The following INPP5A variants were observed in gnomAD, a reference collection of about 807,000 sequenced individuals.
INPP5A encodes 43 kDa inositol polyphosphate 5-phophatase.
A neutral mutation model predicts 65.2 loss-of-function variants in INPP5A; 14 were observed. The ratio of observed to expected loss-of-function variants is 0.21; its 90% confidence interval spans 0.14 to 0.34. The LOEUF is 0.34. Ranked by LOEUF, INPP5A falls within the 10% of genes least tolerant of loss-of-function variation. The pLI, the probability that INPP5A is intolerant of heterozygous loss-of-function variation, is 1.00. For synonymous variants in INPP5A, 207 were observed against 208.3 expected, an observed-to-expected ratio of 0.99 and a Z score of 0.05; for missense variants, 431 against 545.6, an observed-to-expected ratio of 0.79 and a Z score of 2.09.
chr10:132,721,729 T>G (rs553143951), intron 8 of INPP5A, among the ~76,000 whole-genome samples: 230 of 102,558 alleles, frequency 2.2e-3, no homozygotes, highest in African/African-American at 4.6e-3. Flanking sequence ...CGCCTTAGAC[T>G]GCTGTCTTCA....
At chr10:132,607,128 C>G (rs2071867637) in intron 1 of INPP5A, among the ~76,000 whole-genome samples, 1 of 152,172 alleles carries the variant, frequency 6.6e-6, no homozygotes, top group Non-Finnish European at 1.5e-5. Flanking sequence ...CCGGAGCTGG[C>G]ACAGAGCCCA....
intron 1 of INPP5A, among the ~76,000 whole-genome samples, chr10:132,568,459 C>T (rs1200736230): frequency 6.6e-6 from 1 of 152,098 alleles, no homozygotes; most frequent in Admixed American, 6.6e-5. Flanking sequence ...GGCACAGTGG[C>T]TCACGCCTGT....
intron 4 of INPP5A, among the ~76,000 whole-genome samples, chr10:132,684,566 C>A (rs987630798): frequency 6.6e-6 from 1 of 152,182 alleles, no homozygotes; most frequent in Non-Finnish European, 1.5e-5. Flanking sequence ...TGTGGTGTGT[C>A]CCTGTGGCTC....
rs979255399 is a variant in INPP5A at position 132,753,590 on chromosome 10, T to G, written c.903+3745T>G. Among the ~76,000 whole-genome samples, 8 of 152,214 alleles carry G rather than the reference T, an allele frequency of 5.3e-5. No homozygotes were observed. ...GTATAATTAATTATAAGTGTAGCTG[T>G]CAGGGCTGCAGGATGGAGTGCCCTG... On this transcript the variant is annotated intron_variant, in intron 11 of 15. Coordinates refer to ENST00000368594, the MANE Select transcript of INPP5A (RefSeq NM_005539.5). This position sits in a 1 kb window ranked among gnomAD's most constrained non-coding sequence, Gnocchi z 5.3.
intron 4 of INPP5A, among the ~76,000 whole-genome samples, chr10:132,653,207 T>A (rs1286311852): frequency 6.6e-6 from 1 of 152,178 alleles, no homozygotes; most frequent in Non-Finnish European, 1.5e-5. Flanking sequence ...TAGTTCTGTT[T>A]CCACCAAAAC....
intron 4 of INPP5A, among the ~76,000 whole-genome samples, chr10:132,680,801 C>G (rs1193359669): frequency 6.6e-6 from 1 of 152,268 alleles, no homozygotes; most frequent in Admixed American, 6.5e-5. Flanking sequence ...CCCGGGCCAG[C>G]AGCTGCGGAG....
At chr10:132,731,495 C>T (rs1846085456) in intron 9 of INPP5A, among the ~76,000 whole-genome samples, 2 of 152,180 alleles carry the variant, frequency 1.3e-5, no homozygotes, top group South Asian at 4.1e-4. Flanking sequence ...ATCCCTCCTG[C>T]GTATCAGACG....
Position 132,575,696 on chromosome 10 carries a change from G to A in INPP5A, c.76-32219G>A, listed in dbSNP as rs1012487355. 4.6e-5 allele frequency among the ~76,000 whole-genome samples: 7 copies of A among 152,162 alleles called. No homozygotes were observed. The highest frequency in any genetic ancestry group is 2.6e-4 in the Admixed American group (4 of 15,282). On this transcript the variant is annotated intron_variant, in intron 1 of 15. Transcript: ENST00000368594. This position sits in a 1 kb window ranked among gnomAD's most constrained non-coding sequence, Gnocchi z 5.4. ...CCAGCTTAGACAAGGAACTCCTGAC[G>A]CCTCAGCGCCTGGCCCTCAGGACAG...
intron 1 of INPP5A, among the ~76,000 whole-genome samples, chr10:132,604,427 C>T (rs962296094): frequency 2.0e-5 from 3 of 152,236 alleles, no homozygotes; most frequent in African/African-American, 7.2e-5. Flanking sequence ...CTGCTACGCT[C>T]AGGAGCGAGG....
At chr10:132,744,059 A>G (rs1590976084) in intron 9 of INPP5A, among the ~76,000 whole-genome samples, 2 of 152,214 alleles carry the variant, frequency 1.3e-5, no homozygotes. Context: ...ACGGGCCCCC[A>G]CAGAGGTGGA....
chr10:132,638,833 G>A (rs553095440), intron 2 of INPP5A, among the ~76,000 whole-genome samples: 16 of 152,288 alleles, frequency 1.1e-4, no homozygotes, highest in African/African-American at 3.9e-4. Context: ...CTCCCAAATT[G>A]CTGGGATTAG....
intron 12 of INPP5A, among the ~76,000 whole-genome samples, chr10:132,775,158 A>G (rs1311698454): frequency 5.7e-4 from 9 of 15,898 alleles, no homozygotes; most frequent in Middle Eastern, 0.029. Flanking sequence ...CAGGGAGGAG[A>G]GAGGGGCAGA....
chr10:132,614,309 T>C (rs1457579045), intron 2 of INPP5A, among the ~76,000 whole-genome samples: 1 of 151,992 alleles, frequency 6.6e-6, no homozygotes, highest in Non-Finnish European at 1.5e-5. Flanking sequence ...TTACTACAAA[T>C]ACAAAAAATT....
chr10:132,558,305 C>G (rs1164228837), intron 1 of INPP5A, among the ~76,000 whole-genome samples: 1 of 151,322 alleles, frequency 6.6e-6, no homozygotes, highest in African/African-American at 2.5e-5. Flanking sequence ...CTGGGGCTCT[C>G]CCCCCCGGCC....
chr10:132,758,221 G>A (rs1274424186), intron 11 of INPP5A, among the ~76,000 whole-genome samples: 3 of 113,844 alleles, frequency 2.6e-5, no homozygotes, highest in Non-Finnish European at 3.9e-5. Flanking sequence ...AGGCCAGTGC[G>A]ATGTCGTGGG....
At chr10:132,585,782 T>C (rs1454953580) in intron 1 of INPP5A, among the ~76,000 whole-genome samples, 2 of 152,140 alleles carry the variant, frequency 1.3e-5, no homozygotes, top group African/African-American at 2.4e-5. Context: ...CCTGTCTTAT[T>C]TCATTTTCTG....
In INPP5A at chr10:132,691,091, C is replaced by T. The variant is rs1382511199; in HGVS notation, c.370+636C>T. Reference sequence around the variant, plus strand: ...TGACATCCATGTGAAGTGCCCTGCACGTCGTAGTAACTGTGGAGCCACAAA... The same window carrying T: ...TGACATCCATGTGAAGTGCCCTGCATGTCGTAGTAACTGTGGAGCCACAAA... On this transcript the variant is annotated intron_variant, in intron 5 of 15. Coordinates refer to ENST00000368594, the MANE Select transcript of INPP5A (RefSeq NM_005539.5). Among the ~76,000 whole-genome samples the T allele has an allele frequency of 2.6e-5, 4 of 152,254 alleles. No homozygotes were observed. The East Asian group carries it at 7.7e-4, about 29-fold the overall frequency.
intron 12 of INPP5A, among the ~76,000 whole-genome samples, chr10:132,777,148 C>T (rs908190585): frequency 1.3e-5 from 2 of 152,244 alleles, no homozygotes; most frequent in South Asian, 2.1e-4. Context: ...CAGTCACCCT[C>T]CACTGCAGCA....
At chr10:132,778,831 C>T (rs971881457) in intron 13 of INPP5A, among the ~76,000 whole-genome samples, 6 of 152,228 alleles carry the variant, frequency 3.9e-5, no homozygotes, top group East Asian at 1.9e-4. Flanking sequence ...CTGTGCCAGA[C>T]GGCACCAGAC....
Sources: allele counts gnomAD v4.1 joint callset (sites outside exome capture counted in the v4.1 genomes callset), GRCh38; gene constraint gnomAD v4.1.1; non-coding constraint Gnocchi (gnomAD v3.1); transcripts MANE v1.5; gene names NCBI Gene and HGNC (gene_info 2026-07-23, HGNC 2026-07-21).